TSHZ2: variants seen among roughly 807,000 people sequenced by gnomAD.
TSHZ2 encodes the protein teashirt zinc finger homeobox 2.
TSHZ2 carries 21 observed loss-of-function variants against 74.4 expected under a neutral mutation model. The ratio of observed to expected loss-of-function variants is 0.28; its 90% CI spans 0.20 to 0.41. TSHZ2 has a LOEUF of 0.41. Ranked by LOEUF, TSHZ2 falls within the 10% of genes least tolerant of loss-of-function variation. TSHZ2 has a pLI of 1.00. For synonymous variants in TSHZ2, 540 were observed against 515.3 expected (o/e 1.05, Z -0.65); for missense variants, 1,244 against 1,293.5 (o/e 0.96, Z 0.59).
intron 2 of TSHZ2, among the ~76,000 whole-genome samples, chr20:53,366,357 C>T (rs1981256953): frequency 6.6e-6 from 1 of 152,142 alleles, no homozygotes; most frequent in African/African-American, 2.4e-5. Flanking sequence ...TGTCTGTCCA[C>T]CTATCGTAAA....
At chr20:53,459,603 A>C (rs1178469648) in intron 2 of TSHZ2, among the ~76,000 whole-genome samples, 12 of 142,140 alleles carry the variant, frequency 8.4e-5, no homozygotes, top group Admixed American at 3.6e-4. Flanking sequence ...TGTCATTATG[A>C]TGTTAGCTGG....
At chr20:53,322,678 A>G (rs781728013) in intron 2 of TSHZ2, among the ~76,000 whole-genome samples, 6 of 152,170 alleles carry the variant, frequency 3.9e-5, no homozygotes, top group Non-Finnish European at 7.4e-5. Flanking sequence ...TTCCAAGCCC[A>G]AGCTGCCACT....
intron 2 of TSHZ2, among the ~76,000 whole-genome samples, chr20:53,310,991 G>A (rs1978761166): frequency 6.6e-6 from 1 of 152,200 alleles, no homozygotes; most frequent in South Asian, 2.1e-4. Context: ...ATTTATTTTT[G>A]CTGAAAATGA....
chr20:53,325,465 C>T lies in TSHZ2; in HGVS notation c.*8+68894C>T, dbSNP rs567401002. Among the ~76,000 whole-genome samples, 16 of 152,248 alleles carry T rather than the reference C, an allele frequency of 1.1e-4. No homozygotes were observed. The South Asian group carries it at 2.1e-3, about 20-fold the overall frequency. On this transcript the variant is annotated intron_variant, in intron 2 of 2. Transcript: ENST00000371497. ...GGCCTGGGAGAGCAGCTGGCCGTTG[C>T]GTGTGGACACCACTGCCTTCCAGTG...
intron 1 of TSHZ2, chr20:53,098,030 G>A (rs1473201866): frequency 6.6e-6 from 1 of 152,214 alleles, no homozygotes; most frequent in East Asian, 1.9e-4. Flanking sequence ...TCCTATGTTT[G>A]CCTGACACTG....
chr20:53,482,269 G>A (rs1986173848), intron 2 of TSHZ2, among the ~76,000 whole-genome samples: 1 of 152,100 alleles, frequency 6.6e-6, no homozygotes, highest in Non-Finnish European at 1.5e-5. Flanking sequence ...ATGACCACAG[G>A]CCCAACATCT....
chr20:53,314,287 C>CAAAAAAAAAAAAAAAAAAAAAAAAAAAA (rs5841941), intron 2 of TSHZ2, among the ~76,000 whole-genome samples: 2 of 131,710 alleles, frequency 1.5e-5, no homozygotes, highest in Admixed American at 1.5e-4. Context: ...GACTCTGTCT[C>CAAAAAAAAAAAAAAAAAAAAAAAAAAAA]AAAAAAAAAA....
intron 2 of TSHZ2, among the ~76,000 whole-genome samples, chr20:53,478,446 GGTGGGA>G (rs1986047376): frequency 6.8e-6 from 1 of 147,260 alleles, no homozygotes; most frequent in African/African-American, 2.5e-5. Context: ...CTCACTCATA[GGTGGGA>G]ATTGAACAAT....
chr20:53,030,351 TAA>T (rs58895342), intron 1 of TSHZ2, among the ~76,000 whole-genome samples: 6,329 of 146,012 alleles, frequency 0.043, 243 homozygotes, highest in South Asian at 0.12. Flanking sequence ...AGCACTGACT[TAA>T]AAAAAAAAAA....
Position 53,254,950 on chromosome 20 carries a change from T to C in TSHZ2, c.1492T>C (p.Tyr498His). Reference sequence around the variant, plus strand: ...AAAACCTTTAGACCCTACAATCAAATATCAATACCTAAGGGAGGAAGACTT... The same window carrying C: ...AAAACCTTTAGACCCTACAATCAAACATCAATACCTAAGGGAGGAAGACTT... ...LQKPLDPTIK[Y>H]QYLREEDLED... The change falls in exon 2 of 3, where the codon TAT becomes CAT. Residue 498 changes from tyrosine (Y) to histidine (H), a missense_variant. Coordinates refer to ENST00000371497, the MANE Select transcript of TSHZ2 (RefSeq NM_173485.6). The C allele has an allele frequency of 6.2e-7, 1 of 1,613,868 alleles. No individual in the cohort carries two copies. The highest frequency in any genetic ancestry group is 8.5e-7 in the Non-Finnish European group (1 of 1,179,936).
intron 2 of TSHZ2, among the ~76,000 whole-genome samples, chr20:53,275,759 C>T (rs1001774433): frequency 2.0e-5 from 3 of 152,170 alleles, no homozygotes; most frequent in Non-Finnish European, 4.4e-5. Context: ...GAAACCCCAT[C>T]TCTACTAAAA....
intron 2 of TSHZ2, among the ~76,000 whole-genome samples, chr20:53,276,473 G>T (rs1990948565): frequency 6.6e-6 from 1 of 152,138 alleles, no homozygotes. Context: ...CCATGGTCAG[G>T]CTGCCTGGGT....
At chr20:53,370,625 A>G (rs1015330026) in intron 2 of TSHZ2, among the ~76,000 whole-genome samples, 1 of 152,120 alleles carries the variant, frequency 6.6e-6, no homozygotes, top group Non-Finnish European at 1.5e-5. Context: ...TTAGCCAGGC[A>G]TGGTGGCATG....
intron 2 of TSHZ2, among the ~76,000 whole-genome samples, chr20:53,397,264 T>C (rs145800157): frequency 0.093 from 14,107 of 151,924 alleles, 1,743 homozygotes; most frequent in African/African-American, 0.28. Flanking sequence ...ACAAAGAACT[T>C]AAACAAATTT....
intron 2 of TSHZ2, among the ~76,000 whole-genome samples, chr20:53,289,282 G>A (rs1991236386): frequency 6.6e-6 from 1 of 152,172 alleles, no homozygotes; most frequent in Non-Finnish European, 1.5e-5. Context: ...ACACGCATGT[G>A]CAAGTGTCTT....
intron 1 of TSHZ2, among the ~76,000 whole-genome samples, chr20:53,080,756 C>T (rs1985507745): frequency 1.3e-5 from 2 of 152,152 alleles, no homozygotes; most frequent in African/African-American, 4.8e-5. Flanking sequence ...CCTAACAGGC[C>T]ACGGACCTGT....
chr20:53,093,898 CCGTCTTCAAA>C (rs1270210279), intron 1 of TSHZ2, among the ~76,000 whole-genome samples: 1 of 152,172 alleles, frequency 6.6e-6, no homozygotes, highest in Non-Finnish European at 1.5e-5. Context: ...CAGACTTCAA[CCGTCTTCAAA>C]CTACTTCATG....
At chr20:53,013,289 A>G (rs1260132925) in intron 1 of TSHZ2, among the ~76,000 whole-genome samples, 1 of 152,222 alleles carries the variant, frequency 6.6e-6, no homozygotes, top group African/African-American at 2.4e-5. Flanking sequence ...TGTTAATGGA[A>G]GGTGGCTATT....
chr20:53,276,984 G>A (rs1347806469), intron 2 of TSHZ2, among the ~76,000 whole-genome samples: 1 of 152,098 alleles, frequency 6.6e-6, no homozygotes, highest in Non-Finnish European at 1.5e-5. Context: ...CTATTACAGG[G>A]GCTAAACAGA....
Sources: gnomAD v4.1 joint callset for allele counts (sites outside exome capture counted in the v4.1 genomes callset) on GRCh38, gnomAD v4.1.1 for gene constraint, MANE v1.5 for transcripts, NCBI Gene and HGNC (gene_info 2026-07-23, HGNC 2026-07-21) for gene names.